Variants in SUMF1 observed in about 807,000 individuals in gnomAD.
SUMF1 encodes sulfatase modifying factor 1, also known as formylglycine-generating enzyme.
SUMF1 carries 48 observed loss-of-function variants against 47.6 expected under a neutral mutation model. The observed-to-expected ratio is 1.01, with a 90% CI of 0.80 to 1.28. SUMF1 has a LOEUF of 1.28. Among genes scored for constraint, SUMF1 ranks in the 50% most tolerant of loss-of-function variants. The probability of loss-of-function intolerance (pLI) is 0.00; values close to 1 mark genes in which losing one functional copy is unlikely to be tolerated. For synonymous variants in SUMF1, 230 were observed against 192.1 expected, an observed-to-expected ratio of 1.20 and a Z score of -1.63; for missense variants, 571 against 485.4, an observed-to-expected ratio of 1.18 and a Z score of -1.66.
rs145097166 is a variant in SUMF1 at position 4,075,066 on chromosome 3, C to T, written c.1015-6321G>A. The stretch of plus-strand genomic sequence containing the variant: ...AAAAAAGGGAATTTTAGGCCAATAT[C>T]CCTGATGAACATCAATGTGAAAATC... On this transcript the variant is annotated intron_variant and NMD_transcript_variant, in intron 8 of 12. Transcript: ENST00000448413. Among the ~76,000 whole-genome samples, 44 of 152,214 alleles carry T rather than the reference C, an allele frequency of 2.9e-4. No individual in the cohort carries two copies. The South Asian group carries it at 3.7e-3, about 13-fold the overall frequency.
intron 9 of SUMF1, among the ~76,000 whole-genome samples, chr3:4,054,953 C>T (rs1192663724): frequency 6.6e-6 from 1 of 152,104 alleles, no homozygotes; most frequent in Non-Finnish European, 1.5e-5. Flanking sequence ...GCCACACAAC[C>T]AATGTACGCC....
chr3:4,045,815 G>A (rs1694995731), intron 9 of SUMF1, among the ~76,000 whole-genome samples: 1 of 152,162 alleles, frequency 6.6e-6, no homozygotes, highest in Non-Finnish European at 1.5e-5. Flanking sequence ...AGAGTCTGCA[G>A]GGATAGGTAT....
chr3:4,115,332 C>G (rs1054830680), intron 8 of SUMF1, among the ~76,000 whole-genome samples: 2 of 152,094 alleles, frequency 1.3e-5, no homozygotes, highest in Non-Finnish European at 2.9e-5. Context: ...ATTCTCCAAG[C>G]CCGCGTGTGA....
chr3:4,205,649 C>G (rs1263825525), intron 8 of SUMF1, among the ~76,000 whole-genome samples: 2 of 152,186 alleles, frequency 1.3e-5, no homozygotes, highest in Non-Finnish European at 2.9e-5. Context: ...GGGGGCAACC[C>G]AAGTCCAGTA....
intron 7 of SUMF1, among the ~76,000 whole-genome samples, chr3:4,390,058 T>C (rs1190905879): frequency 2.0e-5 from 3 of 152,242 alleles, no homozygotes; most frequent in African/African-American, 7.2e-5. Context: ...GTTCTTATTA[T>C]GTTAAAAGAC....
chr3:4,176,220 C>T (rs574386554), intron 8 of SUMF1, among the ~76,000 whole-genome samples: 1 of 151,984 alleles, frequency 6.6e-6, no homozygotes, highest in Admixed American at 6.6e-5. Context: ...AAGAGCAACC[C>T]CAAGACACAT....
intron 1 of SUMF1, among the ~76,000 whole-genome samples, chr3:4,457,727 T>C (rs1225538156): frequency 6.6e-6 from 1 of 152,146 alleles, no homozygotes; most frequent in Admixed American, 6.5e-5. Context: ...TCACAGCATA[T>C]ACAAAAATCA....
chr3:4,368,261 G>A (rs568332335), intron 8 of SUMF1, among the ~76,000 whole-genome samples: 7 of 152,336 alleles, frequency 4.6e-5, no homozygotes, highest in Non-Finnish European at 1.0e-4. Flanking sequence ...GGCCATCAGA[G>A]AAATGCAAAT....
At chr3:4,450,729 G>A (rs995661444) in intron 2 of SUMF1, among the ~76,000 whole-genome samples, 1 of 152,106 alleles carries the variant, frequency 6.6e-6, no homozygotes, top group African/African-American at 2.4e-5. Flanking sequence ...AAACTTTCTT[G>A]AGAAAGTGAC....
At position 4,361,894 on chromosome 3, in the gene SUMF1, C is replaced by T. The variant is rs577065820; in HGVS notation, c.*250G>A. 6.2e-6 allele frequency: 3 copies of T among 480,530 alleles called. No individual in the cohort carries two copies. Among genetic ancestry groups the T allele is most frequent in the East Asian group, 8.0e-5 (2 of 25,082 alleles). 29.8% of individuals were successfully genotyped at this position (480,530 alleles called of 1,614,324 possible). On this transcript the variant is annotated 3_prime_UTR_variant, in exon 9 of 9. Transcript: ENST00000272902. Reference sequence around the variant, plus strand: ...CCTAGCTCAGGGTTCCCTCCACTCCCCTTCCTCTTTAAAGACTCTCAAAAG... The same window carrying T: ...CCTAGCTCAGGGTTCCCTCCACTCCTCTTCCTCTTTAAAGACTCTCAAAAG...
intron 8 of SUMF1, among the ~76,000 whole-genome samples, chr3:4,269,082 C>A (rs930987206): frequency 2.6e-5 from 4 of 152,138 alleles, no homozygotes; most frequent in Admixed American, 6.5e-5. Context: ...CCACCCAGAT[C>A]AGTGATGATC....
intron 7 of SUMF1, among the ~76,000 whole-genome samples, chr3:4,404,111 A>C (rs903587199): frequency 2.6e-4 from 40 of 152,222 alleles, no homozygotes; most frequent in Non-Finnish European, 7.3e-5. Flanking sequence ...TATCTGAACC[A>C]TACATTTGAG....
intron 8 of SUMF1, among the ~76,000 whole-genome samples, chr3:4,097,027 T>A (rs1395016830): frequency 6.6e-6 from 1 of 152,144 alleles, no homozygotes; most frequent in Non-Finnish European, 1.5e-5. Context: ...GTATGTCAGA[T>A]TCAGCCTGCA....
intron 8 of SUMF1, among the ~76,000 whole-genome samples, chr3:4,147,176 A>G (rs1694215274): frequency 6.6e-6 from 1 of 152,154 alleles, no homozygotes; most frequent in South Asian, 2.1e-4. Flanking sequence ...CAGGTGCTGG[A>G]GAGGATGTGG....
intron 8 of SUMF1, among the ~76,000 whole-genome samples, chr3:4,250,955 C>T (rs1424571120): frequency 6.6e-6 from 1 of 152,156 alleles, no homozygotes; most frequent in Non-Finnish European, 1.5e-5. Context: ...GATATTCATT[C>T]TGCATTCCAT....
intron 8 of SUMF1, among the ~76,000 whole-genome samples, chr3:4,202,868 T>C (rs1305299717): frequency 6.6e-6 from 1 of 152,032 alleles, no homozygotes; most frequent in Non-Finnish European, 1.5e-5. Flanking sequence ...TTAATTTCCA[T>C]GTGTTTGTAT....
chr3:4,391,281 T>C (rs1700853714), intron 7 of SUMF1, among the ~76,000 whole-genome samples: 1 of 152,196 alleles, frequency 6.6e-6, no homozygotes, highest in Non-Finnish European at 1.5e-5. Context: ...TTATCCTAAT[T>C]GAGGTTCACT....
chr3:4,065,479 C>A (rs932406861), intron 9 of SUMF1, among the ~76,000 whole-genome samples: 1 of 152,072 alleles, frequency 6.6e-6, no homozygotes, highest in Non-Finnish European at 1.5e-5. Context: ...CAAACAGAAC[C>A]GTATTTTTAA....
chr3:4,282,466 C>T (rs1332385513), intron 8 of SUMF1, among the ~76,000 whole-genome samples: 3 of 152,202 alleles, frequency 2.0e-5, no homozygotes, highest in Non-Finnish European at 2.9e-5. Flanking sequence ...ATACCTTCTA[C>T]AATTTCTGTA....
Sources: allele counts gnomAD v4.1 joint callset (sites outside exome capture counted in the v4.1 genomes callset), GRCh38; gene constraint gnomAD v4.1.1; transcripts MANE v1.5; gene names NCBI Gene and HGNC (gene_info 2026-07-23, HGNC 2026-07-21).